The following ARFGEF3 variants were observed in gnomAD, a reference collection of about 807,000 sequenced individuals.
The protein encoded by ARFGEF3 is ARFGEF family member 3.
A neutral mutation model predicts 221.7 loss-of-function variants in ARFGEF3; 96 were observed. The ratio of observed to expected loss-of-function variants is 0.43; its 90% CI spans 0.37 to 0.51. The LOEUF (loss-of-function observed/expected upper bound fraction) is 0.51, where lower values mean the gene tolerates loss of function less well. ARFGEF3 is among the 20% of genes least tolerant of loss of function. ARFGEF3 has a pLI of 0.00. For missense variants in ARFGEF3, 2,410 were observed against 2,789.9 expected (o/e 0.86, Z 3.07); for synonymous variants, 1,145 against 1,126.8 (o/e 1.02, Z -0.32).
rs779654061 is a variant in ARFGEF3, at chr6:138,324,168, C to G, written c.5001+14C>G. 3.1e-6 allele frequency: 5 copies of G among 1,607,270 alleles called. No homozygotes were observed. The highest frequency in any genetic ancestry group is 1.3e-5 in the African/African-American group (1 of 74,694). The stretch of plus-strand genomic sequence containing the variant: ...ATGGCCCAGCAGGTAAGGGCAGGGG[C>G]TTTTGATCTCAGGAGCTCTAGAAAC... On this transcript the variant is annotated intron_variant, in intron 31 of 33. Transcript: ENST00000251691.
chr6:138,267,615 T>C (rs542435297), intron 12 of ARFGEF3, among the ~76,000 whole-genome samples: 1 of 152,304 alleles, frequency 6.6e-6, no homozygotes, highest in East Asian at 1.9e-4. Context: ...TTAAGAAATA[T>C]AATCCTAGCA....
At chr6:138,258,651 C>T (rs1367963290) in intron 10 of ARFGEF3, among the ~76,000 whole-genome samples, 1 of 152,230 alleles carries the variant, frequency 6.6e-6, no homozygotes, top group African/African-American at 2.4e-5. Flanking sequence ...CTTGACTCCT[C>T]AACTATACTT....
chr6:138,209,900 C>T lies in ARFGEF3; in HGVS notation c.220-10C>T. On this transcript the variant is annotated splice_polypyrimidine_tract_variant and intron_variant, in intron 3 of 33. Coordinates refer to ENST00000251691, the MANE Select transcript of ARFGEF3 (RefSeq NM_020340.5). ...CCTATCTGTGATCACTGCCTTGTGC[C>T]TCTTTACAGAAGCTTCTGTCGGAAG... 1 of 1,613,158 alleles carries T rather than the reference C, an allele frequency of 6.2e-7. No individual in the cohort carries two copies. Among genetic ancestry groups the T allele is most frequent in the Non-Finnish European group, 8.5e-7 (1 of 1,179,430 alleles).
At chr6:138,308,591 C>A in intron 23 of ARFGEF3, 148 bp from the exon 24 acceptor site, 1 of 813,744 alleles carries the variant, frequency 1.2e-6, no homozygotes, top group Non-Finnish European at 2.0e-6. Context: ...TGGAGCCAAG[C>A]CAATGGCCCA....
chr6:138,192,255 G>A (rs967898987), intron 2 of ARFGEF3, among the ~76,000 whole-genome samples: 11 of 152,084 alleles, frequency 7.2e-5, no homozygotes, highest in Non-Finnish European at 1.3e-4. Context: ...TTGGGAGGTC[G>A]AGGCAGGTGG....
chr6:138,306,694 G>A (rs980814032), intron 22 of ARFGEF3, among the ~76,000 whole-genome samples: 1 of 151,926 alleles, frequency 6.6e-6, no homozygotes, highest in Non-Finnish European at 1.5e-5. Context: ...TTCAATCATG[G>A]GAGGGGATAT....
chr6:138,295,698 AAC>A (rs907856388), intron 20 of ARFGEF3, among the ~76,000 whole-genome samples: 7 of 152,218 alleles, frequency 4.6e-5, no homozygotes, highest in African/African-American at 1.7e-4. Context: ...TTACAGAACC[AAC>A]ACAGTGTCTG....
At chr6:138,314,197 CAAG>C (rs1779879012) in intron 26 of ARFGEF3, among the ~76,000 whole-genome samples, 1 of 152,140 alleles carries the variant, frequency 6.6e-6, no homozygotes, top group Admixed American at 6.5e-5. Context: ...AGAGAGCACT[CAAG>C]GAGTTCAGGG....
chr6:138,231,193 C>T (rs1370697235), intron 5 of ARFGEF3, among the ~76,000 whole-genome samples: 2 of 152,060 alleles, frequency 1.3e-5, no homozygotes, highest in Non-Finnish European at 1.5e-5. Context: ...CCACCAAGTT[C>T]GGCACGAGTG....
intron 11 of ARFGEF3, 118 bp from the exon 12 acceptor site, chr6:138,262,583 A>G: frequency 3.8e-6 from 4 of 1,047,150 alleles, no homozygotes; most frequent in Non-Finnish European, 5.5e-6. Flanking sequence ...GTTTTATTCA[A>G]ATCAGACTAT....
In ARFGEF3 at chr6:138,261,473, T is replaced by C. The variant is rs1040404010; in HGVS notation, c.1105-54T>C. On this transcript the variant is annotated intron_variant, in intron 10 of 33. Transcript: ENST00000251691. ...TTTTGATCTCACAATTTAAAAACCT[T>C]GTGCTTTTTTGTGATATTCACTTTT... 12 of 1,061,290 alleles carry C rather than the reference T, an allele frequency of 1.1e-5. 1 individual carries two copies. In the African/African-American group the frequency reaches 1.4e-4, roughly 13 times the overall value. The allele number at this position is 1,061,290 out of a possible 1,614,324, so 65.7% of individuals were successfully genotyped here. A position where few individuals can be genotyped will look rare whatever the true frequency, so the allele number is the denominator to read the frequency against.
chr6:138,303,802 C>A (rs958982904), intron 22 of ARFGEF3, among the ~76,000 whole-genome samples: 8 of 128,686 alleles, frequency 6.2e-5, no homozygotes, highest in African/African-American at 1.5e-4. Flanking sequence ...GCAGAGGTTG[C>A]AGTGAGCCAA....
In ARFGEF3 at chr6:138,317,397, C is replaced by A; in HGVS notation, c.4474+18C>A. ...AACACCAGGTAAATATTTCTGTGTC[C>A]GTCTTTTGGGGGAGTGGTTATACAT... is the stretch of plus-strand genomic sequence containing the variant. On this transcript the variant is annotated intron_variant, in intron 27 of 33. Coordinates refer to ENST00000251691, the MANE Select transcript of ARFGEF3 (RefSeq NM_020340.5). 6.2e-7 allele frequency: 1 copy of A among 1,613,464 alleles called. No individual in the cohort carries two copies. Among genetic ancestry groups the A allele is most frequent in the Non-Finnish European group, 8.5e-7 (1 of 1,179,694 alleles).
intron 27 of ARFGEF3, 140 bp from the exon 28 acceptor site, chr6:138,319,563 C>A: frequency 1.6e-6 from 1 of 629,420 alleles, no homozygotes; most frequent in South Asian, 2.4e-5. Flanking sequence ...CCATATATTC[C>A]CCCATCAGCA....
rs147841326 is a variant in ARFGEF3, at chr6:138,255,616, T to G, written c.951T>G (p.Pro317=). 1.1e-4 allele frequency: 181 copies of G among 1,613,830 alleles called. No homozygotes were observed. Among genetic ancestry groups the G allele is most frequent in the Non-Finnish European group, 1.5e-4 (180 of 1,179,882 alleles). Residue 317 remains proline (P), a synonymous_variant, in exon 10 of 34, where the codon CCT becomes CCG. Coordinates refer to ENST00000251691, the MANE Select transcript of ARFGEF3 (RefSeq NM_020340.5). The stretch of plus-strand genomic sequence containing the variant: ...GCACTGCGCCGGCCCTGAGCGGACC[T>G]GTGGCTCGGACTATCTATTACATCG... ...CSCTAPALSG[P]VARTIYYIAA... is the part of the protein sequence containing the mutation.
At chr6:138,245,488 G>T in intron 7 of ARFGEF3, 25 bp from the exon 8 acceptor site, 1 of 1,571,454 alleles carries the variant, frequency 6.4e-7, no homozygotes, top group Non-Finnish European at 8.7e-7. Context: ...GATGTCTCAT[G>T]CCTGTAACCT....
chr6:138,275,777 C>T (rs1779085121), intron 12 of ARFGEF3, among the ~76,000 whole-genome samples: 1 of 151,578 alleles, frequency 6.6e-6, no homozygotes, highest in Non-Finnish European at 1.5e-5. Flanking sequence ...ACAGGGACAA[C>T]ATCACTGGAT....
rs1780449020 is a variant in ARFGEF3, at chr6:138,342,525, A to C, written c.*6039A>C. ...TGTATAAGTTCTATGGAACAGTGAG[A>C]TAAATCTAAGCTTCTTGTCTTTGTA... On this transcript the variant is annotated 3_prime_UTR_variant, in exon 34 of 34. Transcript: ENST00000251691. 1 of 152,212 alleles carries C rather than the reference A, an allele frequency of 6.6e-6. No individual in the cohort carries two copies. Among genetic ancestry groups the C allele is most frequent in the African/African-American group, 2.4e-5 (1 of 41,448 alleles). The allele number at this position is 152,212 out of a possible 1,614,324, so 9.4% of individuals were successfully genotyped here. A position where few individuals can be genotyped will look rare whatever the true frequency, so the allele number is the denominator to read the frequency against.
intron 21 of ARFGEF3, among the ~76,000 whole-genome samples, chr6:138,297,348 T>C (rs1425144743): frequency 6.6e-6 from 1 of 152,226 alleles, no homozygotes; most frequent in African/African-American, 2.4e-5. Context: ...CTAAATATAC[T>C]CAGGACAGTG....
Sources: gnomAD v4.1 joint callset for allele counts (sites outside exome capture counted in the v4.1 genomes callset) on GRCh38, gnomAD v4.1.1 for gene constraint, MANE v1.5 for transcripts, NCBI Gene and HGNC (gene_info 2026-07-23, HGNC 2026-07-21) for gene names.